MACROD2: variants seen among roughly 807,000 people sequenced by gnomAD.
MACROD2 encodes ADP-ribose glycohydrolase MACROD2.
MACROD2 carries 36 observed loss-of-function variants against 70.4 expected under a neutral mutation model. The observed-to-expected ratio is 0.51, with a 90% CI of 0.39 to 0.68. The LOEUF (loss-of-function observed/expected upper bound fraction) is 0.68. MACROD2 is among the 30% of genes least tolerant of loss of function. The pLI is 0.00. For missense variants in MACROD2, 496 were observed against 538.4 expected, an observed-to-expected ratio of 0.92 and a Z score of 0.78; for synonymous variants, 172 against 178.8, an observed-to-expected ratio of 0.96 and a Z score of 0.30.
chr20:14,368,228 T>G (rs1487845753), intron 3 of MACROD2, among the ~76,000 whole-genome samples: 1 of 152,230 alleles, frequency 6.6e-6, no homozygotes, highest in Non-Finnish European at 1.5e-5. Flanking sequence ...GTTTGTTGTT[T>G]CTTGCACACT....
In MACROD2 at chr20:15,759,293, G is replaced by GA. The variant is rs556704405; in HGVS notation, c.646-103446dup. 1.6e-3 allele frequency among the ~76,000 whole-genome samples: 235 copies of GA among 151,524 alleles called. 1 individual carries two copies. The highest frequency in any genetic ancestry group is 5.3e-3 in the African/African-American group (217 of 41,308). On this transcript the variant is annotated intron_variant, in intron 8 of 17. Coordinates refer to ENST00000684519, the MANE Select transcript of MACROD2 (RefSeq NM_001351661.2). ...AATATAATGAATCCATGCCAAAAAAGAAAAAAGACAATATAGTACTTATGA... is the reference window on the plus strand; with the variant it reads ...AATATAATGAATCCATGCCAAAAAAGAAAAAAAGACAATATAGTACTTATGA...
At chr20:15,877,454 C>A (rs148415266) in intron 9 of MACROD2, among the ~76,000 whole-genome samples, 2 of 151,888 alleles carry the variant, frequency 1.3e-5, no homozygotes, top group African/African-American at 4.8e-5. Flanking sequence ...AAAAAAAGTT[C>A]CCTTTTTTTT....
intron 3 of MACROD2, among the ~76,000 whole-genome samples, chr20:14,404,369 G>A (rs1050660518): frequency 6.6e-6 from 1 of 152,176 alleles, no homozygotes; most frequent in African/African-American, 2.4e-5. Context: ...GCTCATGGCT[G>A]TAATCCCAGC....
intron 6 of MACROD2, among the ~76,000 whole-genome samples, chr20:15,284,644 T>A (rs1373020699): frequency 6.6e-6 from 1 of 152,158 alleles, no homozygotes; most frequent in African/African-American, 2.4e-5. Flanking sequence ...ATTATCAGAG[T>A]CCTGGCCCCT....
At chr20:15,028,905 A>T (rs921048213) in intron 5 of MACROD2, among the ~76,000 whole-genome samples, 3 of 152,208 alleles carry the variant, frequency 2.0e-5, no homozygotes, top group Admixed American at 6.5e-5. Flanking sequence ...ATGGGCAAGG[A>T]AGAACAAGAT....
chr20:14,651,943 A>G (rs575702849), intron 4 of MACROD2, among the ~76,000 whole-genome samples: 1 of 152,088 alleles, frequency 6.6e-6, no homozygotes, highest in African/African-American at 2.4e-5. Context: ...TGAATTCATA[A>G]ACTTTCATAT....
At chr20:14,796,724 C>T (rs2072513736) in intron 5 of MACROD2, among the ~76,000 whole-genome samples, 2 of 152,086 alleles carry the variant, frequency 1.3e-5, no homozygotes, top group Non-Finnish European at 2.9e-5. Context: ...TTTGCTTTAC[C>T]ACATAGAGAC....
At chr20:14,201,491 G>A (rs1293864196) in intron 3 of MACROD2, among the ~76,000 whole-genome samples, 4 of 152,068 alleles carry the variant, frequency 2.6e-5, no homozygotes, top group Non-Finnish European at 1.5e-5. Context: ...GTTCTTTGAG[G>A]TTCTATGTGC....
chr20:15,841,599 T>C (rs1474731207), intron 8 of MACROD2, among the ~76,000 whole-genome samples: 2 of 151,998 alleles, frequency 1.3e-5, no homozygotes, highest in Non-Finnish European at 2.9e-5. Context: ...AGAACAGTAT[T>C]TACGGGATGG....
intron 5 of MACROD2, among the ~76,000 whole-genome samples, chr20:15,018,672 C>T (rs2075140481): frequency 6.6e-6 from 1 of 152,090 alleles, no homozygotes; most frequent in Admixed American, 6.6e-5. Flanking sequence ...AAGGGCTAGG[C>T]CCGTCTCTCC....
At chr20:15,379,004 A>G (rs1261532054) in intron 6 of MACROD2, among the ~76,000 whole-genome samples, 2 of 152,228 alleles carry the variant, frequency 1.3e-5, no homozygotes, top group Non-Finnish European at 2.9e-5. Context: ...TGGAAGTCAA[A>G]GGAAAGCATT....
Position 14,989,968 on chromosome 20 carries a change from C to A in MACROD2, c.419-239972C>A, listed in dbSNP as rs139880927. On this transcript the variant is annotated intron_variant, in intron 5 of 17. Transcript: ENST00000684519. ...GGAATTATTTGTCTCTGGGGATCTT[C>A]ATGAGCTGTGGTTTCTCTGGGGATC... 6.8e-4 allele frequency among the ~76,000 whole-genome samples: 104 copies of A among 152,242 alleles called. 1 individual carries two copies. The highest frequency in any genetic ancestry group is 2.4e-3 in the African/African-American group (101 of 41,552).
chr20:14,170,474 T>G (rs562816848), intron 3 of MACROD2, among the ~76,000 whole-genome samples: 1 of 152,036 alleles, frequency 6.6e-6, no homozygotes, highest in Non-Finnish European at 1.5e-5. Flanking sequence ...TAATGTTGGC[T>G]GTGGGTTTGT....
At chr20:14,258,085 G>C (rs141742209) in intron 3 of MACROD2, among the ~76,000 whole-genome samples, 2,137 of 152,234 alleles carry the variant, frequency 0.014, 48 homozygotes, top group African/African-American at 0.049. Flanking sequence ...TTATGGCTGA[G>C]TAGTATTCTA....
At chr20:15,309,915 C>G (rs1734317678) in intron 6 of MACROD2, among the ~76,000 whole-genome samples, 2 of 152,122 alleles carry the variant, frequency 1.3e-5, no homozygotes, top group South Asian at 4.1e-4. Context: ...TGTATTCAGA[C>G]AAAGGTTTAG....
At chr20:14,028,038 A>C (rs954248551) in intron 2 of MACROD2, among the ~76,000 whole-genome samples, 4 of 152,104 alleles carry the variant, frequency 2.6e-5, no homozygotes, top group East Asian at 1.9e-4. Context: ...CAGGTACTCT[A>C]TCCCAGGGAG....
chr20:14,579,286 C>T (rs1167404810), intron 4 of MACROD2, among the ~76,000 whole-genome samples: 12 of 151,344 alleles, frequency 7.9e-5, no homozygotes, highest in Non-Finnish European at 1.8e-4. Flanking sequence ...GGACTACAGG[C>T]GCCCGCCACC....
At chr20:14,640,705 T>C (rs953004654) in intron 4 of MACROD2, among the ~76,000 whole-genome samples, 2 of 152,234 alleles carry the variant, frequency 1.3e-5, no homozygotes, top group South Asian at 2.1e-4. Context: ...CCAGCGCATA[T>C]GGAATTTATG....
At chr20:15,707,741 C>T (rs893859079) in intron 8 of MACROD2, among the ~76,000 whole-genome samples, 8 of 151,800 alleles carry the variant, frequency 5.3e-5, no homozygotes, top group South Asian at 4.2e-4. Context: ...CCAGAGATTA[C>T]GCCACTGCAC....
Sources: allele counts gnomAD v4.1 joint callset (sites outside exome capture counted in the v4.1 genomes callset), GRCh38; gene constraint gnomAD v4.1.1; transcripts MANE v1.5; gene names NCBI Gene and HGNC (gene_info 2026-07-23, HGNC 2026-07-21).